KCNJ6: variants seen among roughly 807,000 people sequenced by gnomAD.
KCNJ6 encodes the protein G protein-activated inward rectifier potassium channel 2.
KCNJ6 carries 9 observed loss-of-function variants against 34.2 expected under a neutral mutation model. The observed-to-expected ratio is 0.26, with a 90% CI of 0.16 to 0.46. KCNJ6 has a LOEUF of 0.46. Ranked by LOEUF, KCNJ6 falls within the 20% of genes least tolerant of loss-of-function variation. The pLI, the probability that KCNJ6 is intolerant of heterozygous loss-of-function variation, is 1.00. For missense variants in KCNJ6, 236 were observed against 531.3 expected (o/e 0.44, Z 5.46); for synonymous variants, 196 against 207.1 (o/e 0.95, Z 0.46).
intron 3 of KCNJ6, among the ~76,000 whole-genome samples, chr21:37,647,380 C>T (rs764491759): frequency 2.6e-5 from 4 of 152,128 alleles, no homozygotes; most frequent in African/African-American, 2.4e-5. Context: ...ATGTCAGAAA[C>T]GGCTTAGTTC....
At chr21:37,849,099 G>T (rs1050254750) in intron 1 of KCNJ6, among the ~76,000 whole-genome samples, 2 of 152,190 alleles carry the variant, frequency 1.3e-5, no homozygotes, top group Non-Finnish European at 2.9e-5. Flanking sequence ...AGGCACTGAG[G>T]ATGTCCAGGT....
chr21:37,901,086 G>C (rs1164539615), intron 1 of KCNJ6, among the ~76,000 whole-genome samples: 2 of 151,150 alleles, frequency 1.3e-5, no homozygotes, highest in Non-Finnish European at 2.9e-5. Context: ...TTTCTACAGT[G>C]AACATACTTG....
At chr21:37,815,440 G>A (rs993723890) in intron 2 of KCNJ6, among the ~76,000 whole-genome samples, 1 of 152,194 alleles carries the variant, frequency 6.6e-6, no homozygotes, top group Non-Finnish European at 1.5e-5. Flanking sequence ...GAAAGCCTTG[G>A]GGAGGGGGAG....
chr21:37,717,200 T>C (rs1358034927), intron 2 of KCNJ6: 1 of 154,286 alleles, frequency 6.5e-6, no homozygotes, highest in Non-Finnish European at 1.5e-5. Flanking sequence ...TCTCCCTCAG[T>C]AGTCCTTCAT....
intron 2 of KCNJ6, among the ~76,000 whole-genome samples, chr21:37,818,211 CGTGTGTGTGTGT>C (rs10539396): frequency 3.6e-3 from 532 of 147,942 alleles, no homozygotes; most frequent in Middle Eastern, 0.017. Context: ...TGTGTGCGTG[CGTGTGTGTGTGT>C]GTGTGTGTGT....
intron 3 of KCNJ6, among the ~76,000 whole-genome samples, chr21:37,661,484 A>G (rs2054487729): frequency 6.6e-6 from 1 of 152,198 alleles, no homozygotes; most frequent in Admixed American, 6.5e-5. Context: ...TCATAAGTGC[A>G]TATATCTAAA....
chr21:37,825,690 A>G (rs1416203031), intron 2 of KCNJ6, among the ~76,000 whole-genome samples: 1 of 152,128 alleles, frequency 6.6e-6, no homozygotes, highest in Non-Finnish European at 1.5e-5. Flanking sequence ...AACATACCCA[A>G]GACTGGGTAA....
chr21:37,768,733 C>T (rs2055103062), intron 2 of KCNJ6, among the ~76,000 whole-genome samples: 1 of 152,200 alleles, frequency 6.6e-6, no homozygotes, highest in Non-Finnish European at 1.5e-5. Context: ...GGAAACTGTC[C>T]CCATGCTCCT....
At chr21:37,788,520 C>T (rs567816860) in intron 2 of KCNJ6, among the ~76,000 whole-genome samples, 17 of 152,286 alleles carry the variant, frequency 1.1e-4, no homozygotes, top group African/African-American at 3.4e-4. Flanking sequence ...ATGACCTGTG[C>T]AATGTGGCTT....
intron 2 of KCNJ6, among the ~76,000 whole-genome samples, chr21:37,720,635 G>GT (rs1424286190): frequency 6.6e-6 from 1 of 152,146 alleles, no homozygotes; most frequent in East Asian, 1.9e-4. Context: ...TAGTGACACA[G>GT]AAGTGTGGTT....
At chr21:37,680,586 A>G (rs2054586428) in intron 3 of KCNJ6, among the ~76,000 whole-genome samples, 1 of 152,244 alleles carries the variant, frequency 6.6e-6, no homozygotes, top group South Asian at 2.1e-4. Context: ...GCCCTTATTC[A>G]ATCTGCTGAA....
intron 2 of KCNJ6, among the ~76,000 whole-genome samples, chr21:37,754,102 G>A (rs2055011502): frequency 6.6e-6 from 1 of 152,194 alleles, no homozygotes; most frequent in African/African-American, 2.4e-5. Flanking sequence ...AATTAAACCT[G>A]GATGCCACCT....
chr21:37,676,451 C>A (rs2054565205), intron 3 of KCNJ6, among the ~76,000 whole-genome samples: 1 of 152,228 alleles, frequency 6.6e-6, no homozygotes. Context: ...TTGGGTGAAG[C>A]AATGAAGTGG....
chr21:37,664,079 C>T (rs571521484), intron 3 of KCNJ6, among the ~76,000 whole-genome samples: 1 of 152,222 alleles, frequency 6.6e-6, no homozygotes, highest in South Asian at 2.1e-4. Flanking sequence ...AAACACCATA[C>T]TTTTGGAAAT....
intron 2 of KCNJ6, among the ~76,000 whole-genome samples, chr21:37,737,467 G>C (rs2054919035): frequency 1.1e-5 from 1 of 94,414 alleles, no homozygotes; most frequent in South Asian, 3.0e-4. Context: ...GTTGGCGTTT[G>C]TTTGTTTATT....
chr21:37,675,522 C>T lies in KCNJ6; in HGVS notation c.946+38689G>A, dbSNP rs549186459. On this transcript the variant is annotated intron_variant, in intron 3 of 3. Coordinates refer to ENST00000609713, the MANE Select transcript of KCNJ6 (RefSeq NM_002240.5). This position sits in a 1 kb window ranked among gnomAD's most constrained non-coding sequence, Gnocchi z 4.2. ...ACCCTCGGGCTGCGCCTCTGCCCCTCGGTCCCCAGCACCCCTGGGAGGAGC... is the reference window on the plus strand; with the variant it reads ...ACCCTCGGGCTGCGCCTCTGCCCCTTGGTCCCCAGCACCCCTGGGAGGAGC... 1.3e-5 allele frequency among the ~76,000 whole-genome samples: 2 copies of T among 152,356 alleles called. No individual in the cohort carries two copies. The highest frequency in any genetic ancestry group is 2.1e-4 in the South Asian group (1 of 4,828).
chr21:37,617,098 T>TCCTA lies in KCNJ6; in HGVS notation c.*8060_*8061insTAGG, dbSNP rs2054273785. Reference sequence around the variant, plus strand: ...TTTTCTTTCTTTTTCTTTCTTTCTTTTCTTTCTTTCTTTCCTTCTTCCTTC... The same window carrying TCCTA: ...TTTTCTTTCTTTTTCTTTCTTTCTTTCCTATCTTTCTTTCTTTCCTTCTTCCTTC... On this transcript the variant is annotated 3_prime_UTR_variant, in exon 4 of 4. Coordinates refer to ENST00000609713, the MANE Select transcript of KCNJ6 (RefSeq NM_002240.5). The TCCTA allele has an allele frequency of 7.4e-6, 1 of 135,378 alleles. No homozygotes were observed. The highest frequency in any genetic ancestry group is 2.8e-5 in the African/African-American group (1 of 35,360). 8.4% of individuals were successfully genotyped at this position (135,378 alleles called of 1,614,324 possible).
chr21:37,689,257 A>ACTT (rs1403462840), intron 3 of KCNJ6, among the ~76,000 whole-genome samples: 1 of 152,252 alleles, frequency 6.6e-6, no homozygotes, highest in Non-Finnish European at 1.5e-5. Context: ...CCTCCACCAT[A>ACTT]CTTAGTGAGA....
At chr21:37,842,799 A>T (rs140093398) in intron 1 of KCNJ6, among the ~76,000 whole-genome samples, 1 of 152,176 alleles carries the variant, frequency 6.6e-6, no homozygotes, top group Non-Finnish European at 1.5e-5. Flanking sequence ...GGGTTGTGAC[A>T]ATTCAGGCCT....
Sources: allele counts gnomAD v4.1 joint callset (sites outside exome capture counted in the v4.1 genomes callset), GRCh38; gene constraint gnomAD v4.1.1; non-coding constraint Gnocchi (gnomAD v3.1); transcripts MANE v1.5; gene names NCBI Gene and HGNC (gene_info 2026-07-23, HGNC 2026-07-21).